Variants in GRID2 observed in about 807,000 individuals in gnomAD.
GRID2 encodes the protein glutamate receptor ionotropic, delta-2.
A neutral mutation model predicts 114.8 loss-of-function variants in GRID2; 33 were observed. That is an observed-to-expected ratio of 0.29 (90% confidence interval 0.22 to 0.38). The LOEUF is 0.38. GRID2 is among the 10% of genes least tolerant of loss of function. The probability of loss-of-function intolerance (pLI) is 1.00; values close to 1 mark genes in which losing one functional copy is unlikely to be tolerated. For missense variants in GRID2, 1,184 were observed against 1,257.7 expected, an observed-to-expected ratio of 0.94 and a Z score of 0.89; for synonymous variants, 505 against 449.9, an observed-to-expected ratio of 1.12 and a Z score of -1.55.
chr4:92,725,290 C>T (rs1736016548), intron 2 of GRID2, among the ~76,000 whole-genome samples: 1 of 152,028 alleles, frequency 6.6e-6, no homozygotes, highest in Admixed American at 6.6e-5. Flanking sequence ...GGTGACAGAG[C>T]AACACTGTCT....
At position 93,224,779 on chromosome 4, in the gene GRID2, A is replaced by C; in HGVS notation, c.1125+4A>C. 1 of 1,591,770 alleles carries C rather than the reference A, an allele frequency of 6.3e-7. No individual in the cohort carries two copies. Among genetic ancestry groups the C allele is most frequent in the Non-Finnish European group, 8.6e-7 (1 of 1,164,220 alleles). On this transcript the variant is annotated splice_donor_region_variant and intron_variant, in intron 7 of 15. Coordinates refer to ENST00000282020, the MANE Select transcript of GRID2 (RefSeq NM_001510.4). ...CATGTTGGAGACCATCAAGAAGGTA[A>C]CTTCTTAATTTTCATGTAAAAAGGA...
intron 2 of GRID2, among the ~76,000 whole-genome samples, chr4:92,748,205 T>G (rs1053504223): frequency 2.6e-5 from 4 of 152,196 alleles, no homozygotes; most frequent in African/African-American, 9.7e-5. Flanking sequence ...ATTTAAGGCA[T>G]GTATTAGAAA....
At chr4:92,539,000 C>T (rs1218872605) in intron 1 of GRID2, among the ~76,000 whole-genome samples, 1 of 150,688 alleles carries the variant, frequency 6.6e-6, no homozygotes, top group Non-Finnish European at 1.5e-5. Flanking sequence ...CGAGATCACT[C>T]CACTGCACTC....
At chr4:92,843,227 G>A (rs1171537080) in intron 2 of GRID2, among the ~76,000 whole-genome samples, 3 of 151,990 alleles carry the variant, frequency 2.0e-5, no homozygotes, top group African/African-American at 7.2e-5. Context: ...GGGCGACAGA[G>A]TAAGACTCTG....
At chr4:92,707,597 T>C (rs1735013525) in intron 2 of GRID2, among the ~76,000 whole-genome samples, 1 of 152,186 alleles carries the variant, frequency 6.6e-6, no homozygotes, top group Non-Finnish European at 1.5e-5. Context: ...ATTTATTTTA[T>C]ACAGTTCTAT....
intron 2 of GRID2, among the ~76,000 whole-genome samples, chr4:92,627,111 G>A (rs768524369): frequency 1.3e-5 from 2 of 151,988 alleles, no homozygotes; most frequent in African/African-American, 2.4e-5. Flanking sequence ...CAACAATAGA[G>A]CATTAAACAT....
chr4:92,357,380 A>G (rs1426340159), intron 1 of GRID2, among the ~76,000 whole-genome samples: 1 of 151,922 alleles, frequency 6.6e-6, no homozygotes, highest in Non-Finnish European at 1.5e-5. Flanking sequence ...TCTGAGTTAA[A>G]CAAACAGAAA....
At chr4:93,231,379 G>T (rs896359971) in intron 7 of GRID2, among the ~76,000 whole-genome samples, 1 of 117,008 alleles carries the variant, frequency 8.5e-6, no homozygotes, top group African/African-American at 3.2e-5. Context: ...GAATTACCCC[G>T]CACCCCCTGC....
At chr4:92,640,155 A>C (rs1042670974) in intron 2 of GRID2, among the ~76,000 whole-genome samples, 2 of 151,838 alleles carry the variant, frequency 1.3e-5, no homozygotes, top group Non-Finnish European at 1.5e-5. Flanking sequence ...TTTTACACAA[A>C]ATGGGCTATC....
chr4:93,697,457 A>G (rs1466030484), intron 14 of GRID2, among the ~76,000 whole-genome samples: 2 of 152,078 alleles, frequency 1.3e-5, no homozygotes, highest in African/African-American at 2.4e-5. Flanking sequence ...CTTTCACTTG[A>G]GACTCCAGGA....
chr4:93,378,334 A>G (rs2149304041), intron 8 of GRID2, among the ~76,000 whole-genome samples: 1 of 152,236 alleles, frequency 6.6e-6, no homozygotes, highest in Non-Finnish European at 1.5e-5. Context: ...GATTACACAG[A>G]AAGGTCTATT....
chr4:93,583,858 A>G (rs1027585991), intron 13 of GRID2, among the ~76,000 whole-genome samples: 8 of 152,192 alleles, frequency 5.3e-5, no homozygotes, highest in Non-Finnish European at 8.8e-5. Flanking sequence ...CAAACAAACT[A>G]CAACAATAGC....
chr4:92,470,378 G>T (rs1051206111), intron 1 of GRID2, among the ~76,000 whole-genome samples: 4 of 151,460 alleles, frequency 2.6e-5, no homozygotes, highest in Non-Finnish European at 5.9e-5. Context: ...TTAACCCCCT[G>T]TGAAAAAAGA....
At chr4:93,249,251 A>G (rs537149016) in intron 8 of GRID2, among the ~76,000 whole-genome samples, 1 of 152,296 alleles carries the variant, frequency 6.6e-6, no homozygotes, top group African/African-American at 2.4e-5. Context: ...TGTTAGCAGT[A>G]CCATGCTGTT....
At chr4:92,667,104 T>G (rs1732828571) in intron 2 of GRID2, among the ~76,000 whole-genome samples, 1 of 151,552 alleles carries the variant, frequency 6.6e-6, no homozygotes, top group Admixed American at 6.6e-5. Context: ...AGTTAAGAAG[T>G]GATACTAACC....
chr4:92,615,286 G>A (rs1729955898), intron 2 of GRID2, among the ~76,000 whole-genome samples: 2 of 151,358 alleles, frequency 1.3e-5, no homozygotes, highest in South Asian at 4.1e-4. Context: ...TTCTTCTAAG[G>A]ACACTAATCC....
At chr4:93,807,602 G>C (rs1480999958) in exon 2 of GRID2, 5 of 152,118 alleles carry the variant, frequency 3.3e-5, no homozygotes, top group Non-Finnish European at 7.3e-5. Flanking sequence ...AAGATCACTT[G>C]GATCTTAGGA....
chr4:93,570,349 C>T (rs1294813115), intron 13 of GRID2, among the ~76,000 whole-genome samples: 1 of 152,044 alleles, frequency 6.6e-6, no homozygotes, highest in African/African-American at 2.4e-5. Flanking sequence ...TTAGTATTTA[C>T]ACCACATAAT....
In GRID2 at chr4:92,583,150, C is replaced by A. The variant is rs541275260; in HGVS notation, c.89-6981C>A. 8.1e-4 allele frequency among the ~76,000 whole-genome samples: 123 copies of A among 151,982 alleles called. 1 individual carries two copies. The highest frequency in any genetic ancestry group is 1.2e-3 in the Non-Finnish European group (82 of 67,992). On this transcript the variant is annotated intron_variant, in intron 1 of 15. Transcript: ENST00000282020. ...TGCAGCAATTATTACTAGCTTGGGCCTAGGGAAAGTTACTTAACCTGAGTT... is the reference window on the plus strand; with the variant it reads ...TGCAGCAATTATTACTAGCTTGGGCATAGGGAAAGTTACTTAACCTGAGTT...
Sources: allele counts gnomAD v4.1 joint callset (sites outside exome capture counted in the v4.1 genomes callset), GRCh38; gene constraint gnomAD v4.1.1; transcripts MANE v1.5; gene names NCBI Gene and HGNC (gene_info 2026-07-23, HGNC 2026-07-21).